Variants in GLIS3 observed in about 807,000 individuals in gnomAD.
The protein encoded by GLIS3 is GLIS family zinc finger 3.
A neutral mutation model predicts 78.6 loss-of-function variants in GLIS3; 53 were observed. The ratio of observed to expected loss-of-function variants is 0.67; its 90% CI spans 0.54 to 0.85. The LOEUF is 0.85. Ranked by LOEUF, GLIS3 falls within the 40% of genes least tolerant of loss-of-function variation. GLIS3 has a pLI of 0.00. For synonymous variants in GLIS3, 684 were observed against 509.9 expected (o/e 1.34, Z -4.60); for missense variants, 1,703 against 1,231.1 (o/e 1.38, Z -5.74).
At chr9:4,219,549 A>G (rs912217282) in intron 2 of GLIS3, among the ~76,000 whole-genome samples, 2 of 152,178 alleles carry the variant, frequency 1.3e-5, no homozygotes, top group African/African-American at 4.8e-5. Flanking sequence ...AAACCCAGCA[A>G]TCTCAAACGA....
intron 4 of GLIS3, chr9:4,035,106 G>A (rs968338303): frequency 6.6e-5 from 10 of 152,286 alleles, no homozygotes; most frequent in African/African-American, 2.4e-4. Flanking sequence ...AAAAGTACTA[G>A]GAGTAGAAAT....
chr9:4,392,946 T>C, the GLIS3 span, among the ~76,000 whole-genome samples: 3 of 152,154 alleles, frequency 2.0e-5, no homozygotes, highest in African/African-American at 7.2e-5. Flanking sequence ...TCTTTTTTTT[T>C]TTCCCCACAT....
chr9:3,934,075 C>A (rs1241490479), intron 5 of GLIS3, among the ~76,000 whole-genome samples: 1 of 152,192 alleles, frequency 6.6e-6, no homozygotes, highest in Non-Finnish European at 1.5e-5. Context: ...GTTCTCGATA[C>A]CTCATGGTTT....
At chr9:4,149,390 T>C (rs1163949916) in intron 2 of GLIS3, among the ~76,000 whole-genome samples, 1 of 152,190 alleles carries the variant, frequency 6.6e-6, no homozygotes, top group Non-Finnish European at 1.5e-5. Flanking sequence ...CACACACAGA[T>C]GGCTATGAGT....
chr9:4,435,989 A>G, the GLIS3 span, among the ~76,000 whole-genome samples: 1 of 152,130 alleles, frequency 6.6e-6, no homozygotes, highest in Admixed American at 6.6e-5. Flanking sequence ...CAAACAAATA[A>G]AAATCTTCCC....
chr9:3,884,370 GA>G (rs936031785), intron 7 of GLIS3, among the ~76,000 whole-genome samples: 1 of 152,180 alleles, frequency 6.6e-6, no homozygotes, highest in African/African-American at 2.4e-5. Context: ...ACTTCAGAGG[GA>G]AAGGATGAAG....
intron 2 of GLIS3, among the ~76,000 whole-genome samples, chr9:4,220,984 C>G (rs546442275): frequency 9.9e-5 from 15 of 152,078 alleles, no homozygotes; most frequent in African/African-American, 3.6e-4. Context: ...GACCCTGTCT[C>G]TAATTAATTA....
At chr9:4,485,796 C>T in the GLIS3 span, among the ~76,000 whole-genome samples, 8 of 151,792 alleles carry the variant, frequency 5.3e-5, no homozygotes, top group African/African-American at 1.9e-4. Flanking sequence ...TCTCAGCTCA[C>T]TGCGACCTCC....
In GLIS3 at chr9:4,118,365, G is replaced by A. The variant is rs781074232; in HGVS notation, c.1113C>T (p.Gly371=). ...QPRPVPGSQK[G]VLVAPGGLAL... is the part of the protein sequence containing the mutation. ...CCAGGCCTCCAGGGGCCACCAGCAC[G>A]CCCTTCTGGCTGCCGGGCACCGGGC... The change falls in exon 4 of 11, where the codon GGC becomes GGT. Residue 371 remains glycine (G), a synonymous_variant. Transcript: ENST00000381971. The surrounding 1 kb of genome is among the most constrained non-coding windows in gnomAD (Gnocchi z 4.7). The A allele has an allele frequency of 1.9e-6, 3 of 1,590,244 alleles. No individual in the cohort carries two copies. Among genetic ancestry groups the A allele is most frequent in the East Asian group, 4.6e-5 (2 of 43,744 alleles).
chr9:4,042,081 G>A (rs946727412), intron 4 of GLIS3, among the ~76,000 whole-genome samples: 1 of 152,078 alleles, frequency 6.6e-6, no homozygotes, highest in African/African-American at 2.4e-5. Flanking sequence ...TCCTCAATAA[G>A]ATTTCTGAAT....
intron 4 of GLIS3, among the ~76,000 whole-genome samples, chr9:3,987,932 G>A (rs1399944418): frequency 1.3e-5 from 2 of 151,766 alleles, no homozygotes; most frequent in African/African-American, 2.4e-5. Flanking sequence ...AGAGAAAAAC[G>A]ATACATGAAC....
At chr9:4,132,410 G>C (rs371218639) in intron 2 of GLIS3, among the ~76,000 whole-genome samples, 2 of 152,110 alleles carry the variant, frequency 1.3e-5, no homozygotes, top group African/African-American at 4.8e-5. Flanking sequence ...AAGTCAAATG[G>C]CTGATTATGT....
the GLIS3 span, among the ~76,000 whole-genome samples, chr9:4,354,781 C>G: frequency 2.0e-5 from 3 of 152,176 alleles, no homozygotes; most frequent in African/African-American, 7.2e-5. Context: ...ATTCCACCCT[C>G]AAAGAGTCAT....
intron 2 of GLIS3, among the ~76,000 whole-genome samples, chr9:4,185,980 G>C (rs1479236345): frequency 6.6e-6 from 1 of 151,768 alleles, no homozygotes; most frequent in East Asian, 1.9e-4. Flanking sequence ...AATTGGCAGA[G>C]TTTTCTTCTT....
the GLIS3 span, among the ~76,000 whole-genome samples, chr9:4,402,114 T>G: frequency 6.6e-6 from 1 of 152,068 alleles, no homozygotes; most frequent in East Asian, 1.9e-4. Flanking sequence ...TATGTTGGCT[T>G]CAGGTCTGAC....
At chr9:4,317,166 A>C (rs1294864395) in intron 2 of GLIS3, among the ~76,000 whole-genome samples, 2 of 152,238 alleles carry the variant, frequency 1.3e-5, no homozygotes, top group Non-Finnish European at 2.9e-5. Flanking sequence ...GGTTAAGCTC[A>C]AAATATATTC....
At chr9:4,141,356 G>A (rs67648867) in intron 2 of GLIS3, among the ~76,000 whole-genome samples, 4 of 151,950 alleles carry the variant, frequency 2.6e-5, no homozygotes, top group Admixed American at 6.6e-5. Flanking sequence ...CCAGACCTTC[G>A]GGCCTGGGCT....
chr9:4,192,564 T>G (rs1375227996), intron 2 of GLIS3, among the ~76,000 whole-genome samples: 8 of 152,170 alleles, frequency 5.3e-5, no homozygotes, highest in Non-Finnish European at 1.2e-4. Context: ...TCAGGGTTAT[T>G]AGCAAAATAT....
chr9:4,414,321 T>C, the GLIS3 span, among the ~76,000 whole-genome samples: 1 of 152,198 alleles, frequency 6.6e-6, no homozygotes, highest in Admixed American at 6.5e-5. Context: ...CCCAGAGGCA[T>C]TTTTTAAGCA....
Sources: allele counts gnomAD v4.1 joint callset (sites outside exome capture counted in the v4.1 genomes callset), GRCh38; gene constraint gnomAD v4.1.1; non-coding constraint Gnocchi (gnomAD v3.1); transcripts MANE v1.5; gene names NCBI Gene and HGNC (gene_info 2026-07-23, HGNC 2026-07-21).